The following TGFBRAP1 variants were observed in gnomAD, a reference collection of about 807,000 sequenced individuals.
TGFBRAP1 encodes transforming growth factor-beta receptor-associated protein 1.
A neutral mutation model predicts 83.2 loss-of-function variants in TGFBRAP1; 20 were observed. That is an observed-to-expected ratio of 0.24 (90% confidence interval 0.17 to 0.35). The LOEUF (loss-of-function observed/expected upper bound fraction) is 0.35, where lower values mean the gene tolerates loss of function less well. Among genes scored for constraint, TGFBRAP1 ranks in the 10% least tolerant of loss-of-function variants. The pLI is 1.00. For missense variants in TGFBRAP1, 950 were observed against 1,099.4 expected (o/e 0.86, Z 1.92); for synonymous variants, 415 against 459.8 (o/e 0.90, Z 1.25).
At chr2:105,313,043 C>T (rs1176486643) in intron 1 of TGFBRAP1, among the ~76,000 whole-genome samples, 5 of 151,972 alleles carry the variant, frequency 3.3e-5, no homozygotes, top group African/African-American at 1.2e-4. Context: ...ACCCGGGAAG[C>T]GGAGGTTGCA....
intron 3 of TGFBRAP1, among the ~76,000 whole-genome samples, chr2:105,298,112 C>CA (rs1046809176): frequency 6.6e-6 from 1 of 152,120 alleles, no homozygotes; most frequent in Non-Finnish European, 1.5e-5. Flanking sequence ...GCCTGAAGCC[C>CA]ATAGTACCCT....
chr2:105,321,311 C>T (rs1031598589), intron 1 of TGFBRAP1, among the ~76,000 whole-genome samples: 2 of 152,034 alleles, frequency 1.3e-5, no homozygotes, highest in Non-Finnish European at 2.9e-5. Flanking sequence ...TGATTACAGG[C>T]AGCCGCCATC....
intron 1 of TGFBRAP1, among the ~76,000 whole-genome samples, chr2:105,319,584 T>C (rs1678993622): frequency 6.8e-6 from 1 of 147,722 alleles, no homozygotes; most frequent in Non-Finnish European, 1.5e-5. Context: ...CCCAGCTACT[T>C]GGGAGGCTGA....
At chr2:105,301,460 A>C (rs1271763113) in intron 2 of TGFBRAP1, among the ~76,000 whole-genome samples, 1 of 151,412 alleles carries the variant, frequency 6.6e-6, no homozygotes, top group Non-Finnish European at 1.5e-5. Context: ...GATGGCACCC[A>C]CCTGTAATCC....
intron 7 of TGFBRAP1, among the ~76,000 whole-genome samples, chr2:105,277,156 G>A (rs568915358): frequency 8.5e-5 from 13 of 152,308 alleles, no homozygotes; most frequent in South Asian, 2.1e-4. Context: ...GATCTACCAC[G>A]GACACATGGC....
chr2:105,311,429 T>C (rs908134808), intron 1 of TGFBRAP1, among the ~76,000 whole-genome samples: 3 of 151,836 alleles, frequency 2.0e-5, no homozygotes, highest in Non-Finnish European at 2.9e-5. Flanking sequence ...AAAAAAAATA[T>C]AAAAACTTAG....
intron 1 of TGFBRAP1, among the ~76,000 whole-genome samples, chr2:105,312,159 C>T (rs567742437): frequency 1.3e-5 from 2 of 151,970 alleles, no homozygotes; most frequent in South Asian, 2.1e-4. Flanking sequence ...TCAAAATGAT[C>T]GAAAATTTAA....
intron 1 of TGFBRAP1, among the ~76,000 whole-genome samples, chr2:105,314,230 C>G (rs1194189686): frequency 6.6e-6 from 1 of 151,710 alleles, no homozygotes; most frequent in South Asian, 2.1e-4. Context: ...TTTAAGGTAC[C>G]CAGCCTGTAG....
rs934105226 is a variant in TGFBRAP1, at chr2:105,314,632, C to A, written c.-17-6314G>T. Among the ~76,000 whole-genome samples the A allele has an allele frequency of 3.1e-4, 47 of 151,964 alleles. 1 individual carries two copies. The highest frequency in any genetic ancestry group is 3.4e-3 in the Middle Eastern group (1 of 294). On this transcript the variant is annotated intron_variant, in intron 1 of 11. Transcript: ENST00000393359. ...CTGTATTAGGAGTCTTTGCCAGTAC[C>A]ATAAAACAAGAATAGTGATGAAGAA... is the stretch of plus-strand genomic sequence containing the variant.
chr2:105,294,849 C>T (rs1678028607), intron 4 of TGFBRAP1, among the ~76,000 whole-genome samples: 1 of 152,168 alleles, frequency 6.6e-6, no homozygotes. Context: ...TTAAAATGTG[C>T]ACATGGTGTG....
the TGFBRAP1 span, among the ~76,000 whole-genome samples, chr2:105,254,058 GT>G: frequency 4.1e-4 from 59 of 144,556 alleles, no homozygotes; most frequent in South Asian, 6.6e-4. Context: ...GATATTCAAG[GT>G]TTTTTTTTTT....
At chr2:105,259,068 C>G in the TGFBRAP1 span, among the ~76,000 whole-genome samples, 1 of 152,222 alleles carries the variant, frequency 6.6e-6, no homozygotes, top group Non-Finnish European at 1.5e-5. Flanking sequence ...AGGAGGCTCT[C>G]AAGTTTGATG....
At position 105,307,594 on chromosome 2, in the gene TGFBRAP1, C is replaced by T; in HGVS notation, c.688+20G>A. ...CGAGGCCACCCAAAAAGATCAGGCGCACAAATGCATCCTCCTCACCCAGCC... is the reference window on the plus strand; with the variant it reads ...CGAGGCCACCCAAAAAGATCAGGCGTACAAATGCATCCTCCTCACCCAGCC... On this transcript the variant is annotated intron_variant, in intron 2 of 11. Transcript: ENST00000393359. The T allele has an allele frequency of 1.3e-6, 2 of 1,583,738 alleles. No individual in the cohort carries two copies. Among genetic ancestry groups the T allele is most frequent in the Non-Finnish European group, 1.7e-6 (2 of 1,167,232 alleles).
At chr2:105,304,764 C>T (rs540407268) in intron 2 of TGFBRAP1, among the ~76,000 whole-genome samples, 2 of 152,324 alleles carry the variant, frequency 1.3e-5, no homozygotes, top group African/African-American at 4.8e-5. Context: ...GCCTGGGCGA[C>T]AGAGCGAGAC....
At chr2:105,316,417 G>C (rs1678856527) in intron 1 of TGFBRAP1, among the ~76,000 whole-genome samples, 1 of 132,468 alleles carries the variant, frequency 7.5e-6, no homozygotes, top group Admixed American at 7.7e-5. Flanking sequence ...TACAGGTATA[G>C]GGAGTGTGTG....
chr2:105,276,073 A>G (rs1382033652), intron 7 of TGFBRAP1, among the ~76,000 whole-genome samples: 1 of 152,222 alleles, frequency 6.6e-6, no homozygotes, highest in Non-Finnish European at 1.5e-5. Flanking sequence ...TTCACCTACA[A>G]CCATCAGCCA....
chr2:105,253,576 C>G, the TGFBRAP1 span, among the ~76,000 whole-genome samples: 1 of 152,078 alleles, frequency 6.6e-6, no homozygotes, highest in Non-Finnish European at 1.5e-5. Context: ...GGACTACAGG[C>G]GTGTGCCACC....
chr2:105,267,562 G>A lies in TGFBRAP1; in HGVS notation c.2407-3C>T, dbSNP rs368142970. The A allele has an allele frequency of 1.9e-6, 3 of 1,614,136 alleles. No homozygotes were observed. The highest frequency in any genetic ancestry group is 1.3e-5 in the African/African-American group (1 of 75,038). On this transcript the variant is annotated splice_polypyrimidine_tract_variant and splice_region_variant and intron_variant, in intron 11 of 11. Coordinates refer to ENST00000393359, the MANE Select transcript of TGFBRAP1 (RefSeq NM_004257.6). The stretch of plus-strand genomic sequence containing the variant: ...ATTGAGCTTCCTTTCAACTTCATCT[G>A]CAAGAAGAAACCAAGACTGAGAATG...
chr2:105,253,995 A>G, the TGFBRAP1 span, among the ~76,000 whole-genome samples: 6 of 151,260 alleles, frequency 4.0e-5, no homozygotes, highest in Non-Finnish European at 8.8e-5. Flanking sequence ...TCTGGTGGCC[A>G]GGAGTTCTCC....
Sources: gnomAD v4.1 joint callset for allele counts (sites outside exome capture counted in the v4.1 genomes callset) on GRCh38, gnomAD v4.1.1 for gene constraint, MANE v1.5 for transcripts, NCBI Gene and HGNC (gene_info 2026-07-23, HGNC 2026-07-21) for gene names.